The following PPM1G variants were observed in gnomAD, a reference collection of about 807,000 sequenced individuals.
The protein encoded by PPM1G is protein phosphatase 1G.
A neutral mutation model predicts 59.4 loss-of-function variants in PPM1G; 12 were observed. That is an observed-to-expected ratio of 0.20 (90% CI 0.13 to 0.33). The LOEUF is 0.33. Among genes scored for constraint, PPM1G ranks in the 10% least tolerant of loss-of-function variants. PPM1G has a pLI of 1.00. For missense variants in PPM1G, 392 were observed against 681.3 expected (o/e 0.58, Z 4.73); for synonymous variants, 245 against 251.9 (o/e 0.97, Z 0.26).
At chr2:27,399,866 C>T (rs185588737) in intron 1 of PPM1G, among the ~76,000 whole-genome samples, 1 of 150,836 alleles carries the variant, frequency 6.6e-6, no homozygotes, top group Non-Finnish European at 1.5e-5. Context: ...TGACCCAGCA[C>T]TTCCACTCTT....
In PPM1G at chr2:27,385,722, C is replaced by G; in HGVS notation, c.409+25G>C. The G allele has an allele frequency of 6.3e-7, 1 of 1,591,732 alleles. No individual in the cohort carries two copies. The highest frequency in any genetic ancestry group is 1.4e-5 in the African/African-American group (1 of 73,492). ...ATATTTCTTAAAATGCTGATTTCCC[C>G]TCAAACAAGGGATGCCACACTCACC... On this transcript the variant is annotated intron_variant, in intron 4 of 9. Transcript: ENST00000344034. This position sits in a 1 kb window ranked among gnomAD's most constrained non-coding sequence, Gnocchi z 4.1.
intron 1 of PPM1G, chr2:27,393,456 A>G (rs1363052078): frequency 1.2e-6 from 1 of 855,936 alleles, no homozygotes; most frequent in Non-Finnish European, 1.9e-6. Flanking sequence ...GTCCGAGGGC[A>G]TGGTGAAGAG....
intron 1 of PPM1G, among the ~76,000 whole-genome samples, chr2:27,408,962 C>T (rs1048160671): frequency 7.2e-5 from 11 of 152,250 alleles, no homozygotes; most frequent in Non-Finnish European, 1.6e-4. Flanking sequence ...CTATTTGCGT[C>T]TTTACTCCCA....
At position 27,386,754 on chromosome 2, in the gene PPM1G, C is replaced by T. The variant is rs545287377; in HGVS notation, c.190+335G>A. ...ATTTTTAGTAGAGATGGGGTTTCAC[C>T]ATATTGGTCAGGCTGGTCTCGAACT... On this transcript the variant is annotated intron_variant, in intron 2 of 9. Coordinates refer to ENST00000344034, the MANE Select transcript of PPM1G (RefSeq NM_177983.3). 3.7e-5 allele frequency: 7 copies of T among 189,974 alleles called. No individual in the cohort carries two copies. In the East Asian group the frequency reaches 9.6e-4, roughly 26 times the overall value. 11.8% of individuals were successfully genotyped at this position (189,974 alleles called of 1,614,324 possible).
chr2:27,383,304 A>G lies in PPM1G; in HGVS notation c.1201+62T>C. ...AGCACTAGGAAGATTAAAGTTTGCTACTAGGTAGTCTGGGACAGAGAGAAA... is the reference window on the plus strand; with the variant it reads ...AGCACTAGGAAGATTAAAGTTTGCTGCTAGGTAGTCTGGGACAGAGAGAAA... On this transcript the variant is annotated intron_variant, in intron 7 of 9. Coordinates refer to ENST00000344034, the MANE Select transcript of PPM1G (RefSeq NM_177983.3). The surrounding 1 kb of genome is among the most constrained non-coding windows in gnomAD (Gnocchi z 5.0). 1 of 1,473,496 alleles carries G rather than the reference A, an allele frequency of 6.8e-7. No homozygotes were observed. The highest frequency in any genetic ancestry group is 9.5e-7 in the Non-Finnish European group (1 of 1,057,630). 91.3% of individuals were successfully genotyped at this position (1,473,496 alleles called of 1,614,324 possible). A position where few individuals can be genotyped will look rare whatever the true frequency, so the allele number is the denominator to read the frequency against.
At chr2:27,400,171 C>T (rs576225127) in intron 1 of PPM1G, among the ~76,000 whole-genome samples, 4 of 150,008 alleles carry the variant, frequency 2.7e-5, no homozygotes, top group East Asian at 2.0e-4. Context: ...CCGAGGCAGG[C>T]GGATTGCCTG....
intron 1 of PPM1G, among the ~76,000 whole-genome samples, chr2:27,401,106 TA>T (rs1345478294): frequency 6.6e-6 from 1 of 152,216 alleles, no homozygotes; most frequent in African/African-American, 2.4e-5. Flanking sequence ...TTAAGCTCTG[TA>T]AAATAAAACC....
intron 1 of PPM1G, among the ~76,000 whole-genome samples, chr2:27,402,783 G>A (rs1459531058): frequency 6.7e-6 from 1 of 149,894 alleles, no homozygotes; most frequent in Non-Finnish European, 1.5e-5. Flanking sequence ...CTCCAGCCTG[G>A]GTGACAGTGT....
intron 2 of PPM1G, 124 bp downstream of exon 2, chr2:27,386,965 C>T: frequency 1.4e-6 from 1 of 701,086 alleles, no homozygotes; most frequent in Non-Finnish European, 2.5e-6. Flanking sequence ...AAAAACAGCA[C>T]CACGCAGGAA....
chr2:27,398,078 T>C (rs755774752), intron 1 of PPM1G, among the ~76,000 whole-genome samples: 14 of 152,276 alleles, frequency 9.2e-5, no homozygotes, highest in Admixed American at 2.6e-4. Flanking sequence ...AAAATTTAGA[T>C]GAAAAACAAA....
At position 27,385,626 on chromosome 2, in the gene PPM1G, T is replaced by C; in HGVS notation, c.409+121A>G. The C allele has an allele frequency of 1.6e-6, 2 of 1,273,864 alleles. No homozygotes were observed. The highest frequency in any genetic ancestry group is 2.1e-4 in the Middle Eastern group (1 of 4,800). 78.9% of individuals were successfully genotyped at this position (1,273,864 alleles called of 1,614,324 possible). On this transcript the variant is annotated intron_variant, in intron 4 of 9. Transcript: ENST00000344034. The surrounding 1 kb of genome is among the most constrained non-coding windows in gnomAD (Gnocchi z 4.1). ...ACAATGCAGGAGAACATCATAGGTTTCTTTAACATAAGGACTCCCCAGGTC... is the reference window on the plus strand; with the variant it reads ...ACAATGCAGGAGAACATCATAGGTTCCTTTAACATAAGGACTCCCCAGGTC...
chr2:27,383,737 C>T lies in PPM1G; in HGVS notation c.967-137G>A. ...TAACAAACAGGAGAAGCACACATTT[C>T]ATCTTTCTAGAGACAGCAGCACACT... On this transcript the variant is annotated intron_variant, in intron 6 of 9. Coordinates refer to ENST00000344034, the MANE Select transcript of PPM1G (RefSeq NM_177983.3). This position sits in a 1 kb window ranked among gnomAD's most constrained non-coding sequence, Gnocchi z 5.0. 1 of 1,156,742 alleles carries T rather than the reference C, an allele frequency of 8.6e-7. No homozygotes were observed. The highest frequency in any genetic ancestry group is 1.2e-6 in the Non-Finnish European group (1 of 826,584). The allele number at this position is 1,156,742 out of a possible 1,614,324, so 71.7% of individuals were successfully genotyped here.
chr2:27,387,268 C>A, intron 1 of PPM1G, 110 bp from the exon 2 acceptor site: 5 of 757,128 alleles, frequency 6.6e-6, no homozygotes, highest in South Asian at 1.7e-5. Flanking sequence ...CCTATATGGC[C>A]TAGAAATAAG....
rs776294831 is a variant in PPM1G at position 27,384,902 on chromosome 2, G to A, written c.596C>T (p.Thr199Ile). Reference protein sequence around the residue: ...EAGPEDSTRETPSQENGPTAK... With the variant: ...EAGPEDSTREIPSQENGPTAK... ...TGTGGGGCCATTTTCTTGTGAAGGAGTTTCCCTAGTTGAGTCCTCAGGTCC... is the reference window on the plus strand; with the variant it reads ...TGTGGGGCCATTTTCTTGTGAAGGAATTTCCCTAGTTGAGTCCTCAGGTCC... The change falls in exon 5 of 10, where the codon ACT (threonine) becomes ATT (isoleucine). Residue 199 changes from threonine to isoleucine, a missense_variant. By Grantham distance (89) the Thr-to-Ile change is moderately conservative. Transcript: ENST00000344034. The surrounding 1 kb of genome is among the most constrained non-coding windows in gnomAD (Gnocchi z 4.8). 1.9e-6 allele frequency: 3 copies of A among 1,614,212 alleles called. No homozygotes were observed. The highest frequency in any genetic ancestry group is 2.2e-5 in the South Asian group (2 of 91,088).
chr2:27,386,537 G>C, intron 2 of PPM1G: 1 of 277,136 alleles, frequency 3.6e-6, no homozygotes, highest in South Asian at 5.6e-5. Context: ...AAAAGATAAA[G>C]AATCAGCTCA....
At position 27,383,920 on chromosome 2, in the gene PPM1G, T is replaced by G; in HGVS notation, c.966+32A>C. ...GGGATTCACACCTGCCTTGTGGCTT[T>G]TCAAGACTCATTGCTCCCCTTCCCC... On this transcript the variant is annotated intron_variant, in intron 6 of 9. Transcript: ENST00000344034. This position sits in a 1 kb window ranked among gnomAD's most constrained non-coding sequence, Gnocchi z 5.0. The G allele has an allele frequency of 1.3e-6, 2 of 1,551,482 alleles. No homozygotes were observed. The highest frequency in any genetic ancestry group is 2.4e-5 in the South Asian group (2 of 83,960).
intron 1 of PPM1G, among the ~76,000 whole-genome samples, chr2:27,392,245 T>C (rs1330653388): frequency 4.0e-5 from 6 of 151,702 alleles, no homozygotes; most frequent in East Asian, 1.9e-4. Flanking sequence ...TCCTTCATCA[T>C]GTTGTTGTTC....
At chr2:27,396,651 C>T (rs1201677058) in intron 1 of PPM1G, among the ~76,000 whole-genome samples, 2 of 151,654 alleles carry the variant, frequency 1.3e-5, no homozygotes, top group African/African-American at 4.8e-5. Context: ...CCCGTCTCTA[C>T]TAAAAATACA....
At chr2:27,409,243 C>G (rs1456258306) in intron 1 of PPM1G, 60 bp downstream of exon 1, 43 of 1,515,144 alleles carry the variant, frequency 2.8e-5, no homozygotes, top group Non-Finnish European at 3.8e-5. Flanking sequence ...ATCCCCCGCT[C>G]TCTTTCTCCG....
Sources: gnomAD v4.1 joint callset for allele counts (sites outside exome capture counted in the v4.1 genomes callset) on GRCh38, gnomAD v4.1.1 for gene constraint, Gnocchi (gnomAD v3.1) non-coding constraint, MANE v1.5 for transcripts, NCBI Gene and HGNC (gene_info 2026-07-23, HGNC 2026-07-21) for gene names.